UBR4: variants seen among roughly 807,000 people sequenced by gnomAD.
UBR4 encodes E3 ubiquitin-protein ligase UBR4.
A neutral mutation model predicts 575.6 loss-of-function variants in UBR4; 124 were observed. That is an observed-to-expected ratio of 0.22 (90% CI 0.19 to 0.25). The LOEUF is 0.25. Ranked by LOEUF, UBR4 falls within the 10% of genes least tolerant of loss-of-function variation. The pLI, the probability that UBR4 is intolerant of heterozygous loss-of-function variation, is 1.00. For missense variants in UBR4, 4,818 were observed against 6,478.8 expected (o/e 0.74, Z 8.80); for synonymous variants, 2,455 against 2,473.7 (o/e 0.99, Z 0.22).
intron 23 of UBR4, 41 bp downstream of exon 23, chr1:19,173,398 A>C: frequency 6.2e-7 from 1 of 1,612,778 alleles, no homozygotes; most frequent in Non-Finnish European, 8.5e-7. Context: ...AGCACAAAGC[A>C]CTTTGGCTTT....
Position 19,153,592 on chromosome 1 carries a change from A to T in UBR4, c.6631-90T>A. On this transcript the variant is annotated intron_variant, in intron 45 of 105. Coordinates refer to ENST00000375254, the MANE Select transcript of UBR4 (RefSeq NM_020765.3). This position sits in a 1 kb window ranked among gnomAD's most constrained non-coding sequence, Gnocchi z 4.1. ...AAGAGGCAGAGATGCAACTGGTTTC[A>T]TGGTCAGTTGAGGGGCTGTACAGAA... 6.5e-7 allele frequency: 1 copy of T among 1,542,562 alleles called. No individual in the cohort carries two copies. Among genetic ancestry groups the T allele is most frequent in the East Asian group, 2.3e-5 (1 of 44,348 alleles).
chr1:19,161,536 A>G, intron 37 of UBR4, 53 bp downstream of exon 37: 1 of 1,540,054 alleles, frequency 6.5e-7, no homozygotes, highest in Non-Finnish European at 8.7e-7. Flanking sequence ...TGGCTTCAGT[A>G]ATCCCGTGTC....
intron 87 of UBR4, among the ~76,000 whole-genome samples, chr1:19,102,198 T>C (rs1233397747): frequency 3.9e-5 from 6 of 152,156 alleles, no homozygotes; most frequent in Admixed American, 3.9e-4. Context: ...AAATGCCATC[T>C]CTACAAAAAA....
In UBR4 at chr1:19,160,277, T is replaced by C. The variant is rs751817661; in HGVS notation, c.5411A>G (p.Asn1804Ser). 12 of 1,599,622 alleles carry C rather than the reference T, an allele frequency of 7.5e-6. No homozygotes were observed. In the East Asian group the frequency reaches 1.8e-4, roughly 24 times the overall value. ...TAACACGAGAGGAGCGAAGGAGAAA[T>C]TGGCCTGAGAAAAATAGAAAAAATA... Reference protein sequence around the residue: ...GCREELQNQANFSFAPLVLDM... With the variant: ...GCREELQNQASFSFAPLVLDM... Residue 1804 changes from asparagine to serine, a missense_variant, in exon 39 of 106, where the codon AAT becomes AGT. Around this residue, in one of 29 missense-constraint regions of UBR4, gnomAD observed 159 missense variants for 174.6 expected, o/e 0.91. Transcript: ENST00000375254.
intron 11 of UBR4, 121 bp from the exon 12 acceptor site, chr1:19,187,661 G>A: frequency 5.6e-5 from 42 of 745,902 alleles, no homozygotes; most frequent in Middle Eastern, 4.1e-4. Context: ...TGGACCTTCA[G>A]AAAAAAAAAA....
chr1:19,175,014 T>A lies in UBR4; in HGVS notation c.2793A>T (p.Arg931Ser). The change falls in exon 21 of 106, where the codon AGA (arginine) becomes AGT (serine). Residue 931 changes from arginine to serine, a missense_variant. Transcript: ENST00000375254. Reference sequence around the variant, plus strand: ...CTTCTGGGGACAGGACACAGTAGAATCTGGGGTGTGGGACAGCATCTGAAA... The same window carrying A: ...CTTCTGGGGACAGGACACAGTAGAAACTGGGGTGTGGGACAGCATCTGAAA... ...HFSSDAVPHP[R>S]FYCVLSPEAS... 4.3e-6 allele frequency: 7 copies of A among 1,613,900 alleles called. No homozygotes were observed. The highest frequency in any genetic ancestry group is 5.9e-6 in the Non-Finnish European group (7 of 1,179,882).
chr1:19,167,924 TATAAGA>T, intron 28 of UBR4, 97 bp downstream of exon 28: 2 of 1,272,416 alleles, frequency 1.6e-6, no homozygotes, highest in Middle Eastern at 3.0e-4. Context: ...TAAAGAAGTA[TATAAGA>T]AAGCATTACT....
In UBR4 at chr1:19,117,075, T is replaced by C. The variant is rs566463458; in HGVS notation, c.10823+146A>G. The C allele has an allele frequency of 5.1e-5, 42 of 820,468 alleles. No individual in the cohort carries two copies. The highest frequency in any genetic ancestry group is 3.8e-4 in the East Asian group (15 of 39,800). 50.8% of individuals were successfully genotyped at this position (820,468 alleles called of 1,614,324 possible). On this transcript the variant is annotated intron_variant, in intron 73 of 105. Coordinates refer to ENST00000375254, the MANE Select transcript of UBR4 (RefSeq NM_020765.3). This position sits in a 1 kb window ranked among gnomAD's most constrained non-coding sequence, Gnocchi z 4.0. ...ATGCTTAGAACTGTTGTTTCACTTT[T>C]GTCCTTTGGTCATGAATGGAGGGGC...
At chr1:19,123,376 A>T (rs1262280019) in intron 65 of UBR4, among the ~76,000 whole-genome samples, 1 of 151,198 alleles carries the variant, frequency 6.6e-6, no homozygotes, top group East Asian at 2.0e-4. Flanking sequence ...GCTTGAACCC[A>T]GAGGGCGGAG....
chr1:19,168,355 G>A (rs1369890814), intron 27 of UBR4, among the ~76,000 whole-genome samples, 171 bp from the exon 28 acceptor site: 1 of 152,110 alleles, frequency 6.6e-6, no homozygotes, highest in Non-Finnish European at 1.5e-5. Context: ...GTACAGAAAA[G>A]GAAGCAGTTA....
At chr1:19,121,115 C>G (rs903548158) in intron 68 of UBR4, 74 bp downstream of exon 68, 1 of 1,547,578 alleles carries the variant, frequency 6.5e-7, no homozygotes, top group Admixed American at 2.0e-5. Context: ...CCTTTTACAA[C>G]AGGACAAACC....
Position 19,160,952 on chromosome 1 carries a change from T to C in UBR4, c.5371A>G (p.Thr1791Ala). 1 of 1,614,174 alleles carries C rather than the reference T, an allele frequency of 6.2e-7. No individual in the cohort carries two copies. The highest frequency in any genetic ancestry group is 1.1e-5 in the South Asian group (1 of 91,088). Residue 1791 changes from threonine to alanine, a missense_variant, in exon 38 of 106, where the codon ACA (threonine) becomes GCA (alanine). Physicochemically the swap from Thr to Ala is moderately conservative, Grantham distance 58. This residue lies in a region of UBR4 where 159 missense variants were observed against 174.6 expected (regional missense o/e 0.91). Coordinates refer to ENST00000375254, the MANE Select transcript of UBR4 (RefSeq NM_020765.3). ...EKPKKSSLCR[T>A]VEGCREELQN... ...AATTCCTCCCGGCAGCCCTCTACTGTGCGGCAGAGGCTGCTCTTCTTGGGC... is the reference window on the plus strand; with the variant it reads ...AATTCCTCCCGGCAGCCCTCTACTGCGCGGCAGAGGCTGCTCTTCTTGGGC...
chr1:19,117,237 C>T lies in UBR4; in HGVS notation c.10807G>A (p.Val3603Met). The T allele has an allele frequency of 6.2e-7, 1 of 1,612,638 alleles. No homozygotes were observed. The highest frequency in any genetic ancestry group is 8.5e-7 in the Non-Finnish European group (1 of 1,178,818). Residue 3603 changes from valine to methionine, a missense_variant, in exon 73 of 106, where the codon GTG becomes ATG. Coordinates refer to ENST00000375254, the MANE Select transcript of UBR4 (RefSeq NM_020765.3). This position sits in a 1 kb window ranked among gnomAD's most constrained non-coding sequence, Gnocchi z 4.0. Reference protein sequence around the residue: ...YYNNRTVQAIVELKNKPARWH... With the variant: ...YYNNRTVQAIMELKNKPARWH... The stretch of plus-strand genomic sequence containing the variant: ...AGCCCGTACTTGTTTTTCAACTCCA[C>T]GATGGCCTGCACGGTTCGGTTGTTA...
chr1:19,122,770 A>G, intron 66 of UBR4, 63 bp downstream of exon 66: 3 of 1,567,770 alleles, frequency 1.9e-6, no homozygotes, highest in Non-Finnish European at 2.6e-6. Flanking sequence ...CAGCCCTATT[A>G]CCTACTTGGC....
chr1:19,182,459 C>A (rs2091075823), intron 17 of UBR4, among the ~76,000 whole-genome samples: 2 of 152,004 alleles, frequency 1.3e-5, no homozygotes, highest in South Asian at 4.1e-4. Context: ...CTCAAGTGAT[C>A]CTCTTGCCTC....
In UBR4 at chr1:19,112,686, G is replaced by A; in HGVS notation, c.11639C>T (p.Thr3880Ile). ...CCGAAGTAGTGTGATACAATGTTCT[G>A]TGACAGCCGAGGCGCAGCCATAGCA... ...TKCYGCASAV[T>I]EHCITLLRAL... The change falls in exon 78 of 106, where the codon ACA becomes ATA. Residue 3880 changes from threonine (T) to isoleucine (I), a missense_variant. Physicochemically the swap from Thr to Ile is moderately conservative, Grantham distance 89. Coordinates refer to ENST00000375254, the MANE Select transcript of UBR4 (RefSeq NM_020765.3). 1 of 1,614,264 alleles carries A rather than the reference G, an allele frequency of 6.2e-7. No individual in the cohort carries two copies. The highest frequency in any genetic ancestry group is 8.5e-7 in the Non-Finnish European group (1 of 1,180,050).
chr1:19,081,902 C>T (rs1242368995), intron 102 of UBR4: 1 of 618,674 alleles, frequency 1.6e-6, no homozygotes, highest in East Asian at 2.7e-5. Context: ...CAACATGGAA[C>T]TGTGCTAGTA....
At chr1:19,099,236 C>T (rs1386384551) in intron 90 of UBR4, among the ~76,000 whole-genome samples, 1 of 152,176 alleles carries the variant, frequency 6.6e-6, no homozygotes, top group Non-Finnish European at 1.5e-5. Flanking sequence ...AAGCTGAGAA[C>T]TAATCTCAGC....
At position 19,192,221 on chromosome 1, in the gene UBR4, C is replaced by T. The variant is rs2092142092; in HGVS notation, c.1361G>A (p.Gly454Glu). ...VRDILSRTKE[G>E]VGSPKLGPGK... is the part of the protein sequence containing the mutation. ...AGGCCCCAGTTTAGGGGAGCCCACTCCCTCTTTAGTACGAGAAAGGATGTC... is the reference window on the plus strand; with the variant it reads ...AGGCCCCAGTTTAGGGGAGCCCACTTCCTCTTTAGTACGAGAAAGGATGTC... Residue 454 changes from glycine to glutamate, a missense_variant, in exon 11 of 106, where the codon GGA becomes GAA. By Grantham distance (98) the Gly-to-Glu change is moderately conservative (BLOSUM62 -2). This residue lies in a region of UBR4 where 162 missense variants were observed against 216.4 expected (regional missense o/e 0.75). Transcript: ENST00000375254. The T allele has an allele frequency of 6.2e-7, 1 of 1,614,062 alleles. No homozygotes were observed. The highest frequency in any genetic ancestry group is 8.5e-7 in the Non-Finnish European group (1 of 1,180,042).
Sources: gnomAD v4.1 joint callset for allele counts (sites outside exome capture counted in the v4.1 genomes callset) on GRCh38, gnomAD v4.1.1 for gene constraint, gnomAD v4.1.1 regional missense constraint, Gnocchi (gnomAD v3.1) non-coding constraint, MANE v1.5 for transcripts, NCBI Gene and HGNC (gene_info 2026-07-23, HGNC 2026-07-21) for gene names.